The following COL9A1 variants were observed in gnomAD, a reference collection of about 807,000 sequenced individuals.
COL9A1 encodes the protein collagen type IX alpha 1 chain.
A neutral mutation model predicts 142.6 loss-of-function variants in COL9A1; 104 were observed. The observed-to-expected ratio is 0.73, with a 90% CI of 0.62 to 0.86. The LOEUF is 0.86. Ranked by LOEUF, COL9A1 falls within the 40% of genes least tolerant of loss-of-function variation. The pLI is 0.00. For synonymous variants in COL9A1, 466 were observed against 396.0 expected, an observed-to-expected ratio of 1.18 and a Z score of -2.10; for missense variants, 1,210 against 1,176.6, an observed-to-expected ratio of 1.03 and a Z score of -0.42.
intron 25 of COL9A1, among the ~76,000 whole-genome samples, chr6:70,253,689 C>A (rs1464982590): frequency 6.6e-6 from 1 of 152,210 alleles, no homozygotes; most frequent in Non-Finnish European, 1.5e-5. Flanking sequence ...ACTAAAGTTA[C>A]TTTTCAAGGA....
At chr6:70,254,097 T>C (rs1017635956) in intron 25 of COL9A1, among the ~76,000 whole-genome samples, 5 of 152,314 alleles carry the variant, frequency 3.3e-5, no homozygotes, top group Admixed American at 1.3e-4. Flanking sequence ...AGGGGTCACC[T>C]GAGTATACTC....
intron 4 of COL9A1, among the ~76,000 whole-genome samples, chr6:70,297,735 A>G (rs1457526179): frequency 6.6e-6 from 1 of 152,170 alleles, no homozygotes; most frequent in Non-Finnish European, 1.5e-5. Context: ...GGACCTTGAA[A>G]CATTTGTTTG....
chr6:70,242,091 G>A, intron 29 of COL9A1, 56 bp from the exon 30 acceptor site: 1 of 1,458,536 alleles, frequency 6.9e-7, no homozygotes, highest in South Asian at 1.2e-5. Flanking sequence ...CTGAAAGCAC[G>A]GAAGGCAGAA....
intron 29 of COL9A1, chr6:70,242,291 A>T: frequency 1.7e-6 from 1 of 585,042 alleles, no homozygotes; most frequent in Non-Finnish European, 3.1e-6. Context: ...TTTTTCAGTC[A>T]AGCCCCCGCC....
At chr6:70,283,208 C>G (rs1773286021) in intron 6 of COL9A1, 2 of 1,464,876 alleles carry the variant, frequency 1.4e-6, no homozygotes, top group African/African-American at 1.4e-5. Flanking sequence ...GGGAGGCGCG[C>G]GTTCCCCCTG....
chr6:70,251,062 CAA>C (rs1210095083), intron 28 of COL9A1, among the ~76,000 whole-genome samples: 1 of 151,906 alleles, frequency 6.6e-6, no homozygotes, highest in South Asian at 2.1e-4. Flanking sequence ...TCATAACGGC[CAA>C]AAAATGGAAA....
At chr6:70,271,929 G>C in intron 13 of COL9A1, 136 bp downstream of exon 13, 1 of 969,034 alleles carries the variant, frequency 1.0e-6, no homozygotes, top group Non-Finnish European at 1.6e-6. Flanking sequence ...GTTATCCTTA[G>C]TAGCCACCTA....
chr6:70,278,116 A>C (rs1364738221), intron 10 of COL9A1, among the ~76,000 whole-genome samples: 1 of 152,236 alleles, frequency 6.6e-6, no homozygotes, highest in African/African-American at 2.4e-5. Context: ...AAGTCAGGGA[A>C]TATAAAACAA....
chr6:70,262,254 A>G (rs1771738613), intron 19 of COL9A1, among the ~76,000 whole-genome samples: 1 of 151,992 alleles, frequency 6.6e-6, no homozygotes, highest in Admixed American at 6.6e-5. Flanking sequence ...TATGGCAAAC[A>G]CTCAGGGGAG....
chr6:70,301,371 T>C (rs1774055553), intron 2 of COL9A1, among the ~76,000 whole-genome samples: 1 of 152,042 alleles, frequency 6.6e-6, no homozygotes, highest in African/African-American at 2.4e-5. Flanking sequence ...AGGTCAGGTG[T>C]TCAAGACCAG....
downstream of COL9A1, chr6:70,215,728 AGCTAACAAGCCATTGGAATGAAGGCAGTG>A (rs1205715141): frequency 1.3e-5 from 2 of 152,194 alleles, no homozygotes; most frequent in Admixed American, 6.5e-5. Flanking sequence ...AGTAGGAGGG[AGCTAACAAGCCATTGGAATGAAGGCAGTG>A]GTTCTTAACC....
chr6:70,237,498 G>A (rs1271423825), intron 33 of COL9A1, among the ~76,000 whole-genome samples: 1 of 152,210 alleles, frequency 6.6e-6, no homozygotes, highest in Admixed American at 6.5e-5. Context: ...CCTGGGCAGT[G>A]TCAGGTAAGA....
At chr6:70,289,708 C>T (rs1382302704) in intron 5 of COL9A1, among the ~76,000 whole-genome samples, 1 of 152,024 alleles carries the variant, frequency 6.6e-6, no homozygotes, top group Non-Finnish European at 1.5e-5. Flanking sequence ...AAAAGATGTA[C>T]TTGTCAAAAA....
At position 70,283,787 on chromosome 6, in the gene COL9A1, G is replaced by A. The variant is rs773584873; in HGVS notation, c.730C>T (p.Pro244Ser). The A allele has an allele frequency of 4.3e-6, 7 of 1,611,086 alleles. No individual in the cohort carries two copies. The highest frequency in any genetic ancestry group is 5.9e-6 in the Non-Finnish European group (7 of 1,178,760). ...ELQWMLIHCD[P>S]LRPRRETCHE... ...CAAGTTTCTCTCCTGGGCCGCAGGG[G>A]GTCACAATGGATCAGCATCCATTGA... The change falls in exon 6 of 38, where the codon CCC becomes TCC. Residue 244 changes from proline (P) to serine (S), a missense_variant. Transcript: ENST00000357250.
intron 37 of COL9A1, among the ~76,000 whole-genome samples, chr6:70,224,662 C>T (rs891037758): frequency 6.6e-6 from 1 of 152,096 alleles, no homozygotes; most frequent in Non-Finnish European, 1.5e-5. Context: ...AGACAGGCAC[C>T]TTTAGTAAAT....
chr6:70,279,664 A>T (rs1046541100), intron 10 of COL9A1: 1 of 173,522 alleles, frequency 5.8e-6, no homozygotes, highest in African/African-American at 2.4e-5. Flanking sequence ...AAAAAAAAAA[A>T]AAAAAACACA....
intron 19 of COL9A1, among the ~76,000 whole-genome samples, chr6:70,261,921 C>A (rs1771716587): frequency 1.3e-5 from 2 of 152,090 alleles, no homozygotes; most frequent in Non-Finnish European, 2.9e-5. Context: ...TGTGCATGTA[C>A]ATTTAAAAAG....
At chr6:70,231,089 C>T (rs1434543363) in intron 36 of COL9A1, among the ~76,000 whole-genome samples, 1 of 152,134 alleles carries the variant, frequency 6.6e-6, no homozygotes, top group Non-Finnish European at 1.5e-5. Flanking sequence ...ACAGCTAGAC[C>T]TCGACCCCAG....
chr6:70,224,118 G>A (rs1769072891), intron 37 of COL9A1, among the ~76,000 whole-genome samples: 2 of 152,230 alleles, frequency 1.3e-5, no homozygotes, highest in Admixed American at 1.3e-4. Flanking sequence ...TCAGATTTAA[G>A]ATTAAATCCA....
Sources: allele counts gnomAD v4.1 joint callset (sites outside exome capture counted in the v4.1 genomes callset), GRCh38; gene constraint gnomAD v4.1.1; transcripts MANE v1.5; gene names NCBI Gene and HGNC (gene_info 2026-07-23, HGNC 2026-07-21).